EBPL: variants seen among roughly 807,000 people sequenced by gnomAD.
EBPL encodes the protein emopamil-binding protein-like.
In EBPL, 20 loss-of-function variants were observed where a neutral mutation model predicts 19.0. The ratio of observed to expected loss-of-function variants is 1.05; its 90% CI spans 0.74 to 1.53. The LOEUF (loss-of-function observed/expected upper bound fraction) is 1.53. EBPL is among the 40% of genes most tolerant of loss of function. EBPL has a pLI of 0.00. For synonymous variants in EBPL, 107 were observed against 117.0 expected (o/e 0.91, Z 0.55); for missense variants, 219 against 261.1 (o/e 0.84, Z 1.11).
chr13:49,663,079 T>C lies in EBPL; in HGVS notation c.358A>G (p.Ile120Val). ...TACCGGTAATATTTTTCTTTGACTATGGCATAAATGAGGAACAATGCCAGA... is the reference window on the plus strand; with the variant it reads ...TACCGGTAATATTTTTCTTTGACTACGGCATAAATGAGGAACAATGCCAGA... The part of the protein sequence containing the change: ...GSLALFLIYA[I>V]VKEKYYRHFL... The change falls in exon 3 of 4, where the codon ATA becomes GTA. Residue 120 changes from isoleucine (I) to valine (V), a missense_variant. Transcript: ENST00000242827. 1.2e-6 allele frequency: 2 copies of C among 1,614,156 alleles called. No homozygotes were observed. Among genetic ancestry groups the C allele is most frequent in the South Asian group, 1.1e-5 (1 of 91,084 alleles).
At chr13:49,666,324 G>A (rs1965226763) in intron 2 of EBPL, among the ~76,000 whole-genome samples, 1 of 152,176 alleles carries the variant, frequency 6.6e-6, no homozygotes. Context: ...TCTGGTTAGG[G>A]AACCTTATAT....
intron 1 of EBPL, among the ~76,000 whole-genome samples, chr13:49,678,820 C>A (rs532419507): frequency 3.3e-5 from 5 of 151,730 alleles, no homozygotes; most frequent in Non-Finnish European, 7.4e-5. Context: ...CCTGTTAGCA[C>A]GTTGTCACCT....
At position 49,663,105 on chromosome 13, in the gene EBPL, G is replaced by C; in HGVS notation, c.332C>G (p.Ser111Cys). ...GGCATAAATGAGGAACAATGCCAGA[G>C]ACCCATCCAGGGCGACGGTCAGAAT... ...VEILTVALDG[S>C]LALFLIYAIV... is the part of the protein sequence containing the mutation. The change falls in exon 3 of 4, where the codon TCT becomes TGT. Residue 111 changes from serine (S) to cysteine (C), a missense_variant. Around this residue, in one of 2 missense-constraint regions of EBPL, gnomAD observed 170 missense variants for 167.0 expected, o/e 1.02. Coordinates refer to ENST00000242827, the MANE Select transcript of EBPL (RefSeq NM_032565.5). 6.2e-7 allele frequency: 1 copy of C among 1,614,188 alleles called. No homozygotes were observed. Among genetic ancestry groups the C allele is most frequent in the East Asian group, 2.2e-5 (1 of 44,890 alleles).
rs1225086234 is a variant in EBPL, at chr13:49,676,606, AAAT to A, written c.172-6763_172-6761del. ...GACTATGTCTCAAAAAAAATAAAAT[AAAT>A]AAATAAATAAATAAATAAATAAGAA... is the stretch of plus-strand genomic sequence containing the variant. On this transcript the variant is annotated intron_variant, in intron 1 of 3. Coordinates refer to ENST00000242827, the MANE Select transcript of EBPL (RefSeq NM_032565.5). Among the ~76,000 whole-genome samples the A allele has an allele frequency of 6.8e-4, 17 of 25,136 alleles. No homozygotes were observed. In the East Asian group the frequency reaches 0.044, roughly 66 times the overall value. The allele number at this position is 25,136 out of a possible 152,430, so 16.5% of individuals were successfully genotyped here. A position where few individuals can be genotyped will look rare whatever the true frequency, so the allele number is the denominator to read the frequency against.
intron 1 of EBPL, among the ~76,000 whole-genome samples, chr13:49,671,769 A>G (rs992898264): frequency 3.9e-5 from 6 of 152,098 alleles, no homozygotes; most frequent in Non-Finnish European, 5.9e-5. Flanking sequence ...ACGAAATGCA[A>G]CCTCCACTGG....
intron 1 of EBPL, among the ~76,000 whole-genome samples, chr13:49,670,540 A>G (rs1953801585): frequency 6.6e-6 from 1 of 152,204 alleles, no homozygotes; most frequent in Non-Finnish European, 1.5e-5. Context: ...TTCCTTTTAA[A>G]CAATCATTTG....
At chr13:49,667,356 G>A (rs1320017037) in intron 2 of EBPL, among the ~76,000 whole-genome samples, 1 of 152,168 alleles carries the variant, frequency 6.6e-6, no homozygotes, top group Non-Finnish European at 1.5e-5. Context: ...AAGGGTCGGG[G>A]TAGATTTCCT....
At chr13:49,675,799 C>T (rs1411367850) in intron 1 of EBPL, among the ~76,000 whole-genome samples, 1 of 152,082 alleles carries the variant, frequency 6.6e-6, no homozygotes. Context: ...CACCATTTTG[C>T]ATTCCCACCA....
At chr13:49,686,430 C>G in intron 1 of EBPL, 2 of 1,265,440 alleles carry the variant, frequency 1.6e-6, no homozygotes, top group Non-Finnish European at 2.0e-6. Context: ...TCCCTCCCAT[C>G]AATCCCACTC....
chr13:49,662,184 G>A (rs1311262496), intron 3 of EBPL, among the ~76,000 whole-genome samples: 4 of 152,082 alleles, frequency 2.6e-5, no homozygotes, highest in African/African-American at 9.7e-5. Context: ...TTTGAGTAGA[G>A]ACGGGGTTTC....
chr13:49,662,437 G>A (rs7320619), intron 3 of EBPL, among the ~76,000 whole-genome samples: 17,978 of 152,174 alleles, frequency 0.12, 1,394 homozygotes, highest in African/African-American at 0.22. Context: ...ATGATTTGGG[G>A]GGAAAAGGAT....
At chr13:49,664,676 G>A (rs1457737202) in intron 2 of EBPL, among the ~76,000 whole-genome samples, 1 of 151,846 alleles carries the variant, frequency 6.6e-6, no homozygotes, top group Non-Finnish European at 1.5e-5. Flanking sequence ...ATACTGCCTC[G>A]CATTATTCAG....
At chr13:49,670,873 CCT>C (rs1445856716) in intron 1 of EBPL, among the ~76,000 whole-genome samples, 1 of 152,148 alleles carries the variant, frequency 6.6e-6, no homozygotes, top group Non-Finnish European at 1.5e-5. Context: ...CTCCCCGCAC[CCT>C]GTTCCCAACT....
chr13:49,677,146 T>C (rs1007495619), intron 1 of EBPL, among the ~76,000 whole-genome samples: 2 of 152,186 alleles, frequency 1.3e-5, no homozygotes, highest in African/African-American at 4.8e-5. Context: ...TTGTGTTTTA[T>C]GTAAAAAGGA....
chr13:49,661,921 T>C (rs1965155541), intron 3 of EBPL: 10 of 1,550,372 alleles, frequency 6.5e-6, no homozygotes, highest in African/African-American at 1.4e-5. Context: ...CCCAGGCCAC[T>C]CTGTCCCTAA....
At chr13:49,677,648 C>A (rs568241952) in intron 1 of EBPL, among the ~76,000 whole-genome samples, 9 of 152,306 alleles carry the variant, frequency 5.9e-5, no homozygotes, top group African/African-American at 2.2e-4. Context: ...ATGGCTCACG[C>A]CTGTAATCCC....
intron 1 of EBPL, among the ~76,000 whole-genome samples, chr13:49,685,519 C>G (rs1462601254): frequency 6.6e-6 from 1 of 152,148 alleles, no homozygotes; most frequent in African/African-American, 2.4e-5. Flanking sequence ...ATCCCAAGAT[C>G]TACGCCCCAG....
chr13:49,683,460 G>A (rs1953963655), intron 1 of EBPL, among the ~76,000 whole-genome samples: 1 of 152,054 alleles, frequency 6.6e-6, no homozygotes, highest in African/African-American at 2.4e-5. Context: ...GAACCCGGGA[G>A]GCGGAGCTTG....
At chr13:49,664,516 T>A (rs985459312) in intron 2 of EBPL, among the ~76,000 whole-genome samples, 1 of 152,176 alleles carries the variant, frequency 6.6e-6, no homozygotes, top group Non-Finnish European at 1.5e-5. Flanking sequence ...GAAAGTCTTT[T>A]CAGGGCTGGA....
Sources: allele counts gnomAD v4.1 joint callset (sites outside exome capture counted in the v4.1 genomes callset), GRCh38; gene constraint gnomAD v4.1.1; regional missense constraint gnomAD v4.1.1; transcripts MANE v1.5; gene names NCBI Gene and HGNC (gene_info 2026-07-23, HGNC 2026-07-21).